DAB1: variants seen among roughly 807,000 people sequenced by gnomAD.
DAB1 encodes the protein disabled homolog 1.
Under a neutral mutation model 64.6 loss-of-function variants are expected in DAB1, and 15 were observed. The observed-to-expected ratio is 0.23, with a 90% CI of 0.16 to 0.36. The LOEUF is 0.36. Among genes scored for constraint, DAB1 ranks in the 10% least tolerant of loss-of-function variants. DAB1 has a pLI of 1.00. For missense variants in DAB1, 596 were observed against 706.7 expected (o/e 0.84, Z 1.78); for synonymous variants, 235 against 251.9 (o/e 0.93, Z 0.64).
intron 4 of DAB1, among the ~76,000 whole-genome samples, chr1:57,127,412 C>T (rs1657219882): frequency 6.6e-6 from 1 of 152,200 alleles, no homozygotes; most frequent in Non-Finnish European, 1.5e-5. Context: ...TGTCACAGGC[C>T]CTTTCATGAG....
intron 9 of DAB1, among the ~76,000 whole-genome samples, chr1:57,057,677 G>T (rs961493769): frequency 5.3e-4 from 79 of 149,578 alleles, no homozygotes; most frequent in African/African-American, 1.8e-3. Context: ...GCATGATCTC[G>T]GCTCACTGCA....
At chr1:58,056,929 T>C in intron 5 of DAB1, among the ~76,000 whole-genome samples, 1 of 151,730 alleles carries the variant, frequency 6.6e-6, no homozygotes, top group South Asian at 2.1e-4. Flanking sequence ...TGTCTAGGGG[T>C]GGTAGCAGCC....
At chr1:57,715,123 C>T (rs1024409269) in intron 6 of DAB1, among the ~76,000 whole-genome samples, 1 of 152,174 alleles carries the variant, frequency 6.6e-6, no homozygotes, top group Non-Finnish European at 1.5e-5. Context: ...GATGGTTCAA[C>T]ATATGCTAAT....
At chr1:58,326,213 A>AT (rs1380628841) in intron 4 of DAB1, among the ~76,000 whole-genome samples, 25 of 152,314 alleles carry the variant, frequency 1.6e-4, no homozygotes, top group Non-Finnish European at 3.1e-4. Context: ...AAGCTTTGCC[A>AT]TTTATATTTA....
chr1:58,288,897 T>C (rs907979169), intron 4 of DAB1, among the ~76,000 whole-genome samples: 12 of 152,184 alleles, frequency 7.9e-5, no homozygotes, highest in African/African-American at 2.7e-4. Context: ...CCTTCAATAA[T>C]ACACAGGCTT....
At chr1:57,495,514 G>C (rs1570572320) in intron 7 of DAB1, among the ~76,000 whole-genome samples, 1 of 152,206 alleles carries the variant, frequency 6.6e-6, no homozygotes, top group Admixed American at 6.5e-5. Flanking sequence ...GCACAACTCA[G>C]TAGAAGTGAT....
chr1:57,887,963 A>G (rs551449748), upstream of DAB1, among the ~76,000 whole-genome samples: 1 of 152,316 alleles, frequency 6.6e-6, no homozygotes, highest in African/African-American at 2.4e-5. Context: ...GATGCACATC[A>G]CCAGAATGTC....
At chr1:58,479,292 A>G (rs947900474) in intron 3 of DAB1, among the ~76,000 whole-genome samples, 1 of 152,192 alleles carries the variant, frequency 6.6e-6, no homozygotes, top group African/African-American at 2.4e-5. Context: ...AATCACAAGG[A>G]GTGTAAAAAA....
chr1:57,712,504 T>C (rs1486030951), intron 6 of DAB1, among the ~76,000 whole-genome samples: 2 of 152,232 alleles, frequency 1.3e-5, no homozygotes, highest in Non-Finnish European at 2.9e-5. Flanking sequence ...ATGTACCCAA[T>C]ATTCCAAATT....
At chr1:57,115,093 C>G (rs553206252) in intron 4 of DAB1, among the ~76,000 whole-genome samples, 5 of 152,332 alleles carry the variant, frequency 3.3e-5, no homozygotes, top group Admixed American at 1.3e-4. Flanking sequence ...CCACCTCCAT[C>G]TCACCGGCTC....
chr1:57,795,692 T>TATATAG (rs1650816838), intron 6 of DAB1, among the ~76,000 whole-genome samples: 1 of 20,546 alleles, frequency 4.9e-5, no homozygotes, highest in Non-Finnish European at 1.1e-4. Flanking sequence ...TGCTTGGAGA[T>TATATAG]ATATATATAT....
At chr1:57,383,113 G>A (rs1203000202) in intron 1 of DAB1, among the ~76,000 whole-genome samples, 2 of 152,064 alleles carry the variant, frequency 1.3e-5, no homozygotes, top group African/African-American at 4.8e-5. Context: ...TGTTAAATAA[G>A]GTGGTAGTGT....
upstream of DAB1, among the ~76,000 whole-genome samples, chr1:57,886,163 CTTTTTTTTTT>C (rs36101963): frequency 1.5e-5 from 2 of 129,486 alleles, no homozygotes; most frequent in Non-Finnish European, 3.3e-5. Context: ...GCCTACTATT[CTTTTTTTTTT>C]TTTTTTTTTT....
intron 2 of DAB1, among the ~76,000 whole-genome samples, chr1:57,220,511 T>G (rs1666779882): frequency 6.6e-6 from 1 of 152,184 alleles, no homozygotes; most frequent in African/African-American, 2.4e-5. Flanking sequence ...GCAGGTATTA[T>G]TAGCATATCC....
intron 3 of DAB1, among the ~76,000 whole-genome samples, chr1:58,390,439 G>A (rs1427604936): frequency 6.6e-6 from 1 of 152,212 alleles, no homozygotes; most frequent in African/African-American, 2.4e-5. Context: ...CAGTGCAGCA[G>A]TCACTGCTGC....
At chr1:58,244,158 C>A (rs191233507) in intron 4 of DAB1, among the ~76,000 whole-genome samples, 2 of 152,126 alleles carry the variant, frequency 1.3e-5, no homozygotes, top group African/African-American at 2.4e-5. Flanking sequence ...CATGGAAATA[C>A]GGGATTGTTT....
intron 7 of DAB1, among the ~76,000 whole-genome samples, chr1:57,553,442 G>GAAAGAAAGAAAGAAAAA (rs59263518): frequency 1.5e-5 from 1 of 68,154 alleles, no homozygotes; most frequent in Non-Finnish European, 2.8e-5. Context: ...AAGAAAGAAA[G>GAAAGAAAGAAAGAAAAA]AGAAAGAAAG....
At chr1:57,138,476 C>G (rs1658316568) in intron 3 of DAB1, among the ~76,000 whole-genome samples, 1 of 152,124 alleles carries the variant, frequency 6.6e-6, no homozygotes, top group Non-Finnish European at 1.5e-5. Flanking sequence ...CCTCTTTCAG[C>G]CTTTCAAAGC....
intron 2 of DAB1, among the ~76,000 whole-genome samples, chr1:57,275,781 A>G (rs950625570): frequency 1.2e-4 from 18 of 152,210 alleles, no homozygotes; most frequent in Non-Finnish European, 2.2e-4. Context: ...CCAAAGTCTC[A>G]GTTTCTTCTC....
Sources: allele counts gnomAD v4.1 joint callset (sites outside exome capture counted in the v4.1 genomes callset), GRCh38; gene constraint gnomAD v4.1.1; transcripts MANE v1.5; gene names NCBI Gene and HGNC (gene_info 2026-07-23, HGNC 2026-07-21).